The following RALGPS1 variants were observed in gnomAD, a reference collection of about 807,000 sequenced individuals.
RALGPS1 encodes ras-specific guanine nucleotide-releasing factor RalGPS1.
RALGPS1 carries 19 observed loss-of-function variants against 78.8 expected under a neutral mutation model. The observed-to-expected ratio is 0.24, with a 90% CI of 0.17 to 0.35. The LOEUF (loss-of-function observed/expected upper bound fraction) is 0.35, where lower values mean the gene tolerates loss of function less well. Ranked by LOEUF, RALGPS1 falls within the 10% of genes least tolerant of loss-of-function variation. The pLI is 1.00. For synonymous variants in RALGPS1, 228 were observed against 256.3 expected, an observed-to-expected ratio of 0.89 and a Z score of 1.06; for missense variants, 454 against 688.3, an observed-to-expected ratio of 0.66 and a Z score of 3.81.
chr9:127,008,469 C>T (rs543452674), intron 4 of RALGPS1, among the ~76,000 whole-genome samples: 9 of 137,422 alleles, frequency 6.5e-5, no homozygotes, highest in Admixed American at 4.4e-4. Flanking sequence ...ATTGGGACCT[C>T]AGCAGGACCA....
At chr9:126,953,546 G>GT (rs1471473384) in intron 1 of RALGPS1, among the ~76,000 whole-genome samples, 1 of 152,186 alleles carries the variant, frequency 6.6e-6, no homozygotes, top group African/African-American at 2.4e-5. Flanking sequence ...CACAGCTGAT[G>GT]TAGATGTATA....
rs189011619 is a variant in RALGPS1, at chr9:127,117,134, C to A, written c.610+47778C>A. Among the ~76,000 whole-genome samples the A allele has an allele frequency of 1.1e-3, 173 of 152,348 alleles. 1 individual carries two copies. Among genetic ancestry groups the A allele is most frequent in the East Asian group, 6.0e-3 (31 of 5,182 alleles). ...GCTTCCTGCCTCGAGTACCTTCCCCCACTGTCCTGGCTGATGCCTGCCTGT... is the reference window on the plus strand; with the variant it reads ...GCTTCCTGCCTCGAGTACCTTCCCCAACTGTCCTGGCTGATGCCTGCCTGT... On this transcript the variant is annotated intron_variant, in intron 8 of 18. Transcript: ENST00000259351.
chr9:127,036,086 T>C (rs560359829), intron 5 of RALGPS1, among the ~76,000 whole-genome samples: 1 of 152,234 alleles, frequency 6.6e-6, no homozygotes, highest in Non-Finnish European at 1.5e-5. Context: ...GCAAAGGCGA[T>C]GTGGCTTATT....
chr9:127,105,139 G>A (rs1229166252), intron 8 of RALGPS1, among the ~76,000 whole-genome samples: 1 of 152,200 alleles, frequency 6.6e-6, no homozygotes, highest in Non-Finnish European at 1.5e-5. Context: ...AGCGCCTTGT[G>A]TGGGAGCTCA....
rs2061863054 is a variant in RALGPS1 at position 127,205,147 on chromosome 9, A to G, written c.1247+6081A>G. Among the ~76,000 whole-genome samples, 1 of 152,182 alleles carries G rather than the reference A, an allele frequency of 6.6e-6. No individual in the cohort carries two copies. On this transcript the variant is annotated intron_variant, in intron 14 of 18. Transcript: ENST00000259351. This position sits in a 1 kb window ranked among gnomAD's most constrained non-coding sequence, Gnocchi z 4.0. ...ATTCTGCTGCCTGGTGCCTGGCTTC[A>G]GTGCTCTGGACAGTTGGCCTATCTC...
At chr9:126,977,370 T>C (rs560338650) in intron 3 of RALGPS1, among the ~76,000 whole-genome samples, 19 of 152,368 alleles carry the variant, frequency 1.2e-4, no homozygotes, top group East Asian at 1.9e-4. Context: ...ATGCTTGAAA[T>C]ACAAATTCAA....
chr9:127,082,766 T>C (rs1444495850), intron 8 of RALGPS1, among the ~76,000 whole-genome samples: 2 of 152,108 alleles, frequency 1.3e-5, no homozygotes, highest in Non-Finnish European at 2.9e-5. Context: ...TGTGAGAATT[T>C]AAAGAGCCAT....
At chr9:127,047,605 A>AAG (rs1564479430) in intron 5 of RALGPS1, among the ~76,000 whole-genome samples, 1 of 151,892 alleles carries the variant, frequency 6.6e-6, no homozygotes, top group Non-Finnish European at 1.5e-5. Context: ...AGGCTGAGGC[A>AAG]GGAGAATCGC....
intron 4 of RALGPS1, among the ~76,000 whole-genome samples, chr9:126,987,885 G>A (rs529985553): frequency 5.3e-5 from 8 of 152,268 alleles, no homozygotes; most frequent in South Asian, 4.1e-4. Context: ...GGGGTGGGGC[G>A]CTAGCGTATC....
chr9:127,094,001 G>A, intron 8 of RALGPS1: 1 of 1,527,860 alleles, frequency 6.5e-7, no homozygotes. Flanking sequence ...ACCCCAAGCA[G>A]GCACAACCTC....
intron 8 of RALGPS1, among the ~76,000 whole-genome samples, chr9:127,128,099 T>G (rs1035908412): frequency 6.8e-6 from 1 of 148,030 alleles, no homozygotes; most frequent in Non-Finnish European, 1.5e-5. Flanking sequence ...ACATGTGGTG[T>G]TTGGTTTTCT....
chr9:127,071,112 A>G (rs890465457), intron 8 of RALGPS1, among the ~76,000 whole-genome samples: 1 of 99,808 alleles, frequency 1.0e-5, no homozygotes, highest in Non-Finnish European at 2.1e-5. Context: ...ACTAAAGCAA[A>G]CATATATATA....
intron 8 of RALGPS1, among the ~76,000 whole-genome samples, chr9:127,142,855 A>G (rs780252786): frequency 6.6e-6 from 1 of 152,200 alleles, no homozygotes; most frequent in African/African-American, 2.4e-5. Context: ...CTACTCTGAT[A>G]ATAATTAAAT....
chr9:127,147,743 A>G (rs1333897289), intron 8 of RALGPS1, among the ~76,000 whole-genome samples: 1 of 152,196 alleles, frequency 6.6e-6, no homozygotes, highest in African/African-American at 2.4e-5. Context: ...TTTATTGAAT[A>G]AAAGAATGAA....
chr9:127,004,394 C>T (rs943407020), intron 4 of RALGPS1, among the ~76,000 whole-genome samples: 2 of 152,238 alleles, frequency 1.3e-5, no homozygotes, highest in Admixed American at 6.5e-5. Context: ...GATCCACCTG[C>T]CTTGGCTTCC....
rs1340293752 is a variant in RALGPS1, at chr9:127,220,999, TC to T, written c.*2233del. 1 of 152,590 alleles carries T rather than the reference TC, an allele frequency of 6.6e-6. No individual in the cohort carries two copies. The highest frequency in any genetic ancestry group is 1.5e-5 in the Non-Finnish European group (1 of 68,040). 9.5% of individuals were successfully genotyped at this position (152,590 alleles called of 1,614,324 possible). ...TAATTGAGTCTGCTTCCACGTCCTCTCCCAGGAACATTCTTAGCTCGGACTC... is the reference window on the plus strand; with the variant it reads ...TAATTGAGTCTGCTTCCACGTCCTCTCCAGGAACATTCTTAGCTCGGACTC... On this transcript the variant is annotated 3_prime_UTR_variant, in exon 19 of 19. Transcript: ENST00000259351.
chr9:127,041,209 A>T (rs1589160507), intron 5 of RALGPS1, among the ~76,000 whole-genome samples: 1 of 151,920 alleles, frequency 6.6e-6, no homozygotes, highest in Non-Finnish European at 1.5e-5. Context: ...CTCCTACCTC[A>T]GCTTCTGGAA....
chr9:127,184,603 A>G (rs928956706), intron 11 of RALGPS1, among the ~76,000 whole-genome samples: 24 of 152,306 alleles, frequency 1.6e-4, no homozygotes, highest in African/African-American at 5.5e-4. Context: ...GGCAGGAGAA[A>G]CACTGAGGAC....
chr9:127,141,502 G>C (rs2057770292), intron 8 of RALGPS1, among the ~76,000 whole-genome samples: 1 of 150,646 alleles, frequency 6.6e-6, no homozygotes. Flanking sequence ...TGCTGCCAGA[G>C]AACCACGTGT....
Sources: allele counts gnomAD v4.1 joint callset (sites outside exome capture counted in the v4.1 genomes callset), GRCh38; gene constraint gnomAD v4.1.1; non-coding constraint Gnocchi (gnomAD v3.1); transcripts MANE v1.5; gene names NCBI Gene and HGNC (gene_info 2026-07-23, HGNC 2026-07-21).